The following PUM1 variants were observed in gnomAD, a reference collection of about 807,000 sequenced individuals.
PUM1 encodes the protein pumilio homolog 1.
PUM1 carries 13 observed loss-of-function variants against 131.8 expected under a neutral mutation model. The ratio of observed to expected loss-of-function variants is 0.10; its 90% confidence interval spans 0.06 to 0.16. The LOEUF (loss-of-function observed/expected upper bound fraction) is 0.16. PUM1 is among the 10% of genes least tolerant of loss of function. The pLI is 1.00. For missense variants in PUM1, 961 were observed against 1,512.4 expected, an observed-to-expected ratio of 0.64 and a Z score of 6.05; for synonymous variants, 509 against 556.5, an observed-to-expected ratio of 0.91 and a Z score of 1.20.
intron 1 of PUM1, among the ~76,000 whole-genome samples, chr1:31,063,312 G>C (rs930657343): frequency 3.9e-5 from 6 of 152,126 alleles, no homozygotes; most frequent in Non-Finnish European, 8.8e-5. Context: ...TAATGAAAAT[G>C]AGATAAATAT....
At chr1:30,991,020 C>T (rs998207650) in intron 7 of PUM1, among the ~76,000 whole-genome samples, 1 of 149,636 alleles carries the variant, frequency 6.7e-6, no homozygotes, top group Non-Finnish European at 1.5e-5. Context: ...AACCAAAGAT[C>T]AATAAATCAA....
chr1:30,985,265 C>T (rs1167346464), intron 7 of PUM1, among the ~76,000 whole-genome samples: 1 of 152,158 alleles, frequency 6.6e-6, no homozygotes, highest in African/African-American at 2.4e-5. Flanking sequence ...ACAGACTCAG[C>T]CCTTCTGAGA....
intron 1 of PUM1, among the ~76,000 whole-genome samples, chr1:31,059,785 C>T (rs780225827): frequency 3.8e-4 from 58 of 152,026 alleles, no homozygotes; most frequent in Non-Finnish European, 7.1e-4. Flanking sequence ...CAGAATTAGA[C>T]TTCTATCAGT....
chr1:30,935,870 G>A, intron 21 of PUM1: 1 of 336,550 alleles, frequency 3.0e-6, no homozygotes, highest in South Asian at 2.1e-5. Context: ...TGGAGGCACT[G>A]CCCAGCACAA....
At chr1:31,016,775 T>C (rs1642834572) in intron 3 of PUM1, among the ~76,000 whole-genome samples, 1 of 152,232 alleles carries the variant, frequency 6.6e-6, no homozygotes, top group South Asian at 2.1e-4. Flanking sequence ...ATAGACATGG[T>C]GGTGTCTTAA....
intron 3 of PUM1, among the ~76,000 whole-genome samples, chr1:31,012,482 A>AAC (rs1193985792): frequency 6.6e-6 from 1 of 151,766 alleles, no homozygotes; most frequent in Non-Finnish European, 1.5e-5. Flanking sequence ...CTCTGGGAGA[A>AAC]ACACACACAC....
At chr1:30,955,670 C>A (rs186420288) in intron 14 of PUM1, among the ~76,000 whole-genome samples, 37 of 152,120 alleles carry the variant, frequency 2.4e-4, no homozygotes, top group African/African-American at 8.0e-4. Context: ...TAAAAACCCA[C>A]GAGAAAAGTC....
At chr1:30,943,323 C>T (rs903433935) in intron 18 of PUM1, among the ~76,000 whole-genome samples, 1 of 151,898 alleles carries the variant, frequency 6.6e-6, no homozygotes, top group Non-Finnish European at 1.5e-5. Context: ...AGTGCAATGG[C>T]ACCATCTCGG....
rs776245885 is a variant in PUM1 at position 30,974,704 on chromosome 1, T to C, written c.1453A>G (p.Thr485Ala). Residue 485 changes from threonine (T) to alanine (A), a missense_variant, in exon 10 of 22, where the codon ACT becomes GCT. This residue lies in a region of PUM1 where 654 missense variants were observed against 923.9 expected (regional missense o/e 0.71). Transcript: ENST00000426105. ...GTGGTCTGTTGATTAGCTGAATTAG[T>C]TGCTGCAGCGGCAGCGGCAGCTTGC... The part of the protein sequence containing the change: ...QQQAAAAAAA[T>A]NSANQQTTPQ... The C allele has an allele frequency of 1.9e-6, 3 of 1,611,380 alleles. No individual in the cohort carries two copies. Among genetic ancestry groups the C allele is most frequent in the Non-Finnish European group, 2.5e-6 (3 of 1,179,310 alleles).
intron 2 of PUM1, among the ~76,000 whole-genome samples, chr1:31,056,482 C>T (rs1267926729): frequency 2.0e-5 from 3 of 151,834 alleles, no homozygotes; most frequent in Non-Finnish European, 4.4e-5. Context: ...GGGGTTTCAC[C>T]ATGTTGGCCA....
intron 5 of PUM1, among the ~76,000 whole-genome samples, chr1:31,002,269 A>G (rs1051995554): frequency 2.0e-5 from 3 of 152,230 alleles, no homozygotes; most frequent in Non-Finnish European, 4.4e-5. Flanking sequence ...TCACGGCCCA[A>G]ATAGATGTAT....
chr1:31,036,159 T>C (rs1643604919), intron 2 of PUM1, among the ~76,000 whole-genome samples: 1 of 151,878 alleles, frequency 6.6e-6, no homozygotes, highest in Non-Finnish European at 1.5e-5. Flanking sequence ...AACCCCTGCC[T>C]CCCGAGTTCA....
intron 9 of PUM1, among the ~76,000 whole-genome samples, chr1:30,976,173 G>A (rs931572195): frequency 9.2e-5 from 14 of 151,762 alleles, no homozygotes; most frequent in African/African-American, 3.4e-4. Flanking sequence ...AGCTGCAGTC[G>A]GCCACATAAA....
intron 10 of PUM1, among the ~76,000 whole-genome samples, chr1:30,969,323 AAAAAAAAAAAAAAG>A (rs1206801219): frequency 1.4e-5 from 2 of 146,152 alleles, no homozygotes; most frequent in Non-Finnish European, 3.0e-5. Context: ...ACACAAAAAA[AAAAAAAAAAAAAAG>A]AAAAAAAAAG....
At position 31,043,351 on chromosome 1, in the gene PUM1, C is replaced by G. The variant is rs575555211; in HGVS notation, c.364-14487G>C. Among the ~76,000 whole-genome samples, 124 of 151,996 alleles carry G rather than the reference C, an allele frequency of 8.2e-4. 1 individual carries two copies. Among genetic ancestry groups the G allele is most frequent in the African/African-American group, 2.9e-3 (121 of 41,468 alleles). On this transcript the variant is annotated intron_variant, in intron 2 of 21. Coordinates refer to ENST00000426105, the MANE Select transcript of PUM1 (RefSeq NM_001020658.2). ...CTGAGAACCTGGGATTATAGGCACC[C>G]CCCCATCATGTCCGGCTAATTTTTT...
chr1:30,985,351 C>G (rs957642255), intron 7 of PUM1, among the ~76,000 whole-genome samples: 1 of 152,062 alleles, frequency 6.6e-6, no homozygotes, highest in African/African-American at 2.4e-5. Context: ...TCCTCCTAGT[C>G]TGTATTAAGA....
chr1:31,027,799 C>A (rs1643280895), intron 3 of PUM1, among the ~76,000 whole-genome samples: 1 of 152,158 alleles, frequency 6.6e-6, no homozygotes, highest in African/African-American at 2.4e-5. Flanking sequence ...TAGCACAGTG[C>A]CTGGGGATCA....
chr1:31,053,341 CA>C (rs112722614), intron 2 of PUM1, among the ~76,000 whole-genome samples: 11,593 of 126,404 alleles, frequency 0.092, 634 homozygotes, highest in East Asian at 0.31. Context: ...ATTTTACAGG[CA>C]AAAAAAAAAA....
At chr1:31,032,447 A>G (rs984755813) in intron 2 of PUM1, among the ~76,000 whole-genome samples, 3 of 152,168 alleles carry the variant, frequency 2.0e-5, no homozygotes, top group African/African-American at 7.2e-5. Flanking sequence ...TAAGCCTTTC[A>G]AGTTCCTTCT....
Sources: allele counts gnomAD v4.1 joint callset (sites outside exome capture counted in the v4.1 genomes callset), GRCh38; gene constraint gnomAD v4.1.1; regional missense constraint gnomAD v4.1.1; transcripts MANE v1.5; gene names NCBI Gene and HGNC (gene_info 2026-07-23, HGNC 2026-07-21).